The following ERBIN variants were observed in gnomAD, a reference collection of about 807,000 sequenced individuals.
The protein encoded by ERBIN is densin-180-like protein.
Under a neutral mutation model 158.4 loss-of-function variants are expected in ERBIN, and 60 were observed. The observed-to-expected ratio is 0.38, with a 90% CI of 0.31 to 0.47. The LOEUF is 0.47. Among genes scored for constraint, ERBIN ranks in the 20% least tolerant of loss-of-function variants. ERBIN has a pLI of 0.99. For missense variants in ERBIN, 1,610 were observed against 1,648.0 expected (o/e 0.98, Z 0.40); for synonymous variants, 594 against 557.2 (o/e 1.07, Z -0.93).
intron 1 of ERBIN, among the ~76,000 whole-genome samples, chr5:65,943,997 A>C (rs774380398): frequency 2.0e-5 from 3 of 152,180 alleles, no homozygotes; most frequent in Non-Finnish European, 2.9e-5. Flanking sequence ...CTAAGACCAA[A>C]TAATACTCCA....
At chr5:65,937,673 C>T (rs1744243100) in intron 1 of ERBIN, among the ~76,000 whole-genome samples, 1 of 152,124 alleles carries the variant, frequency 6.6e-6, no homozygotes, top group South Asian at 2.1e-4. Flanking sequence ...CTTTGGGAGG[C>T]CGAGGCGGGC....
intron 21 of ERBIN, among the ~76,000 whole-genome samples, chr5:66,067,851 C>T (rs564466972): frequency 6.6e-6 from 1 of 152,228 alleles, no homozygotes; most frequent in South Asian, 2.1e-4. Context: ...TGGTGCACAC[C>T]TGTGGTCCCA....
In ERBIN at chr5:66,044,376, A is replaced by G. The variant is rs553601747; in HGVS notation, c.1602+66A>G. The G allele has an allele frequency of 8.1e-5, 115 of 1,425,798 alleles. No homozygotes were observed. In the African/African-American group the frequency reaches 1.5e-3, roughly 18 times the overall value. 88.3% of individuals were successfully genotyped at this position (1,425,798 alleles called of 1,614,324 possible). On this transcript the variant is annotated intron_variant, in intron 17 of 25. Coordinates refer to ENST00000284037, the MANE Select transcript of ERBIN (RefSeq NM_001253697.2). The stretch of plus-strand genomic sequence containing the variant: ...TTCTTATTTTTAAATGACAGTTGAT[A>G]TAGTGCCCCTTTTCATGTACTCTGA...
chr5:66,014,680 T>C lies in ERBIN; in HGVS notation c.488T>C (p.Leu163Pro). ...TTTTTGTATTGCAGATTAACTAAAC[T>C]CCAAATATTAGAGCTTAGAGAAAAC... is the stretch of plus-strand genomic sequence containing the variant. ...LPANFGRLTKLQILELRENQL... is the reference protein window; with the variant it reads ...LPANFGRLTKPQILELRENQL... The change falls in exon 7 of 26, where the codon CTC becomes CCC. Residue 163 changes from leucine (L) to proline (P), a missense_variant. Coordinates refer to ENST00000284037, the MANE Select transcript of ERBIN (RefSeq NM_001253697.2). The C allele has an allele frequency of 7.0e-7, 1 of 1,430,498 alleles. No homozygotes were observed. 88.6% of individuals were successfully genotyped at this position (1,430,498 alleles called of 1,614,324 possible). A position where few individuals can be genotyped will look rare whatever the true frequency, so the allele number is the denominator to read the frequency against.
At chr5:65,993,487 T>C (rs1172248837) in intron 3 of ERBIN, among the ~76,000 whole-genome samples, 1 of 152,232 alleles carries the variant, frequency 6.6e-6, no homozygotes, top group African/African-American at 2.4e-5. Context: ...TGTTTTTTTT[T>C]CACTAAACTT....
At chr5:65,949,598 T>C (rs1178958075) in intron 1 of ERBIN, among the ~76,000 whole-genome samples, 1 of 152,228 alleles carries the variant, frequency 6.6e-6, no homozygotes, top group East Asian at 1.9e-4. Flanking sequence ...AGAAAAACTT[T>C]ATTTTGAAGT....
chr5:65,952,370 A>T (rs1219349034), intron 1 of ERBIN, among the ~76,000 whole-genome samples: 1 of 152,024 alleles, frequency 6.6e-6, no homozygotes, highest in East Asian at 1.9e-4. Context: ...TTTTAAAGAG[A>T]TGGGCTCTCA....
intron 14 of ERBIN, among the ~76,000 whole-genome samples, chr5:66,037,812 AG>A (rs1235096765): frequency 2.0e-5 from 3 of 152,152 alleles, no homozygotes; most frequent in African/African-American, 7.2e-5. Flanking sequence ...ATAAGAAAAA[AG>A]AAGGTCCAAA....
At chr5:65,932,458 C>T (rs1218758271) in intron 1 of ERBIN, among the ~76,000 whole-genome samples, 3 of 151,912 alleles carry the variant, frequency 2.0e-5, no homozygotes, top group South Asian at 4.2e-4. Context: ...TTTGCAACAT[C>T]AGTGTAAAAT....
intron 1 of ERBIN, among the ~76,000 whole-genome samples, chr5:65,970,847 G>A (rs1749169424): frequency 6.6e-6 from 1 of 152,142 alleles, no homozygotes; most frequent in South Asian, 2.1e-4. Flanking sequence ...CCTCAGCTGG[G>A]ATTACAGGTG....
At chr5:66,045,919 C>G (rs1758397869) in intron 17 of ERBIN, among the ~76,000 whole-genome samples, 1 of 152,164 alleles carries the variant, frequency 6.6e-6, no homozygotes, top group African/African-American at 2.4e-5. Flanking sequence ...TTCACAAATC[C>G]CTAAATCGTC....
At chr5:65,987,842 CA>C (rs60092791) in intron 1 of ERBIN, among the ~76,000 whole-genome samples, 2,146 of 83,036 alleles carry the variant, frequency 0.026, 30 homozygotes, top group African/African-American at 0.061. Flanking sequence ...GATACGTCTC[CA>C]AAAAAAAAAA....
intron 1 of ERBIN, among the ~76,000 whole-genome samples, chr5:65,934,303 T>C (rs932791244): frequency 2.0e-5 from 3 of 152,238 alleles, no homozygotes; most frequent in Non-Finnish European, 4.4e-5. Flanking sequence ...AATATATTAC[T>C]AACATCTGAA....
At chr5:65,958,955 AC>A (rs1747611392) in intron 1 of ERBIN, among the ~76,000 whole-genome samples, 1 of 152,174 alleles carries the variant, frequency 6.6e-6, no homozygotes, top group Admixed American at 6.5e-5. Flanking sequence ...TTTTACTTAA[AC>A]CTATCATAAG....
Position 66,053,481 on chromosome 5 carries a change from A to G in ERBIN, c.2163A>G (p.Lys721=). 1.2e-6 allele frequency: 2 copies of G among 1,603,678 alleles called. No individual in the cohort carries two copies. Among genetic ancestry groups the G allele is most frequent in the East Asian group, 4.5e-5 (2 of 44,772 alleles). ...ILNSSTEEKF[K]AHDKKDFNLP... ...ACAGTTCAACAGAGGAAAAGTTCAA[A>G]GCTCATGATAAAAAAGATTTTAACT... Residue 721 remains lysine (K), a synonymous_variant, in exon 21 of 26, where the codon AAA becomes AAG. Transcript: ENST00000284037.
At chr5:66,053,358 A>C in intron 20 of ERBIN, 48 bp from the exon 21 acceptor site, 1 of 1,203,608 alleles carries the variant, frequency 8.3e-7, no homozygotes, top group Non-Finnish European at 1.1e-6. Context: ...CCTGTTACTA[A>C]GAAAACTCGG....
rs138617538 is a variant in ERBIN at position 66,054,923 on chromosome 5, G to A, written c.3605G>A (p.Arg1202Gln). The change falls in exon 21 of 26, where the codon CGA (arginine) becomes CAA (glutamine). Residue 1202 changes from arginine to glutamine, a missense_variant. Arg to Gln is a conservative substitution (Grantham distance 43). Transcript: ENST00000284037. ...CGTGACTGGAGAGAACAAGTACTTC[G>A]ACATATTGAAGCCAAAAAGTTAGAA... is the stretch of plus-strand genomic sequence containing the variant. ...VPRDWREQVL[R>Q]HIEAKKLEKK... 4.3e-5 allele frequency: 68 copies of A among 1,586,438 alleles called. 1 individual carries two copies. The highest frequency in any genetic ancestry group is 3.9e-4 in the South Asian group (34 of 87,944).
chr5:66,075,994 G>A, intron 23 of ERBIN: 1 of 233,694 alleles, frequency 4.3e-6, no homozygotes, highest in East Asian at 1.2e-4. Context: ...TACATGTTTT[G>A]TGTTTATGTA....
At chr5:66,028,156 C>G (rs1474111705) in intron 13 of ERBIN, 118 bp from the exon 14 acceptor site, 2 of 563,222 alleles carry the variant, frequency 3.6e-6, no homozygotes, top group South Asian at 3.3e-5. Context: ...ATTTTTTTTT[C>G]TCCTATTTTC....
Sources: gnomAD v4.1 joint callset for allele counts (sites outside exome capture counted in the v4.1 genomes callset) on GRCh38, gnomAD v4.1.1 for gene constraint, MANE v1.5 for transcripts, NCBI Gene and HGNC (gene_info 2026-07-23, HGNC 2026-07-21) for gene names.